TAF4B: variants seen among roughly 807,000 people sequenced by gnomAD.
The protein encoded by TAF4B is TATA-box binding protein associated factor 4b, also known as transcription initiation factor TFIID subunit 4B.
TAF4B carries 38 observed loss-of-function variants against 86.4 expected under a neutral mutation model. That is an observed-to-expected ratio of 0.44 (90% confidence interval 0.34 to 0.58). The LOEUF (loss-of-function observed/expected upper bound fraction) is 0.58. TAF4B is among the 20% of genes least tolerant of loss of function. The pLI, the probability that TAF4B is intolerant of heterozygous loss-of-function variation, is 0.02. For synonymous variants in TAF4B, 388 were observed against 391.2 expected (o/e 0.99, Z 0.10); for missense variants, 988 against 1,027.6 (o/e 0.96, Z 0.53).
At chr18:26,268,016 G>T (rs2056264090) in intron 3 of TAF4B, among the ~76,000 whole-genome samples, 1 of 152,170 alleles carries the variant, frequency 6.6e-6, no homozygotes, top group Non-Finnish European at 1.5e-5. Context: ...AACTTTGGAG[G>T]ATATATGGCC....
At chr18:26,254,421 T>G (rs562538509) in intron 1 of TAF4B, among the ~76,000 whole-genome samples, 1 of 152,280 alleles carries the variant, frequency 6.6e-6, no homozygotes, top group African/African-American at 2.4e-5. Context: ...CTAAAACAAG[T>G]CAGACACCCA....
At chr18:26,300,328 A>ATTC (rs1249085818) in intron 9 of TAF4B, among the ~76,000 whole-genome samples, 6 of 148,940 alleles carry the variant, frequency 4.0e-5, no homozygotes, top group Non-Finnish European at 8.9e-5. Context: ...TATTATTATT[A>ATTC]TTATTATTAA....
rs191080129 is a variant in TAF4B at position 26,321,259 on chromosome 18, G to A, written c.2133+59G>A. 2.2e-3 allele frequency: 3,433 copies of A among 1,574,726 alleles called. 7 individuals carry two copies. The highest frequency in any genetic ancestry group is 0.014 in the Middle Eastern group (82 of 5,936). On this transcript the variant is annotated intron_variant, in intron 11 of 14. Transcript: ENST00000269142. ...GAGTGTTATAGGTAGTCTTTTGGGC[G>A]TGGATTGATATTCTAAACACGTTTT... is the stretch of plus-strand genomic sequence containing the variant.
chr18:26,275,957 A>G (rs1345781355), intron 5 of TAF4B, among the ~76,000 whole-genome samples: 1 of 150,402 alleles, frequency 6.6e-6, no homozygotes, highest in Non-Finnish European at 1.5e-5. Context: ...CAGAGGTTAC[A>G]GTAAGCTGAG....
intron 6 of TAF4B, among the ~76,000 whole-genome samples, chr18:26,285,282 T>C (rs555177557): frequency 3.5e-5 from 5 of 141,156 alleles, no homozygotes; most frequent in African/African-American, 1.3e-4. Flanking sequence ...TGCAGTGGCA[T>C]GATCTCAGCT....
chr18:26,302,227 G>A (rs954929007), intron 9 of TAF4B, among the ~76,000 whole-genome samples: 1 of 151,872 alleles, frequency 6.6e-6, no homozygotes, highest in Admixed American at 6.6e-5. Flanking sequence ...ATATTTTGAT[G>A]AACAGAAATT....
intron 12 of TAF4B, among the ~76,000 whole-genome samples, chr18:26,331,521 T>C (rs1413498894): frequency 2.6e-5 from 4 of 152,210 alleles, no homozygotes; most frequent in South Asian, 4.1e-4. Flanking sequence ...AAAATCAATA[T>C]GTCCAAAACA....
At chr18:26,346,771 ATATGTGTGTG>A (rs1161902687) in intron 13 of TAF4B, among the ~76,000 whole-genome samples, 351 of 21,368 alleles carry the variant, frequency 0.016, 36 homozygotes, top group East Asian at 0.044. Flanking sequence ...ATATATATAT[ATATGTGTGTG>A]TATATATATA....
intron 13 of TAF4B, among the ~76,000 whole-genome samples, chr18:26,346,833 ATATG>A (rs1389427070): frequency 0.011 from 199 of 17,748 alleles, 19 homozygotes; most frequent in Non-Finnish European, 0.014. Context: ...GTATATATAT[ATATG>A]TGTGTGTGTA....
At chr18:26,354,576 G>A (rs563262463) in intron 13 of TAF4B, among the ~76,000 whole-genome samples, 25 of 152,316 alleles carry the variant, frequency 1.6e-4, no homozygotes, top group African/African-American at 4.8e-4. Context: ...TGAGCTGTTA[G>A]AAACTGTGTT....
At chr18:26,347,209 T>G (rs1598817345) in intron 13 of TAF4B, among the ~76,000 whole-genome samples, 1 of 151,730 alleles carries the variant, frequency 6.6e-6, no homozygotes, top group Admixed American at 6.6e-5. Flanking sequence ...CGTGAGCCAC[T>G]GCGCCCGGCC....
intron 14 of TAF4B, among the ~76,000 whole-genome samples, chr18:26,379,770 A>T (rs928997199): frequency 6.6e-6 from 1 of 152,094 alleles, no homozygotes; most frequent in African/African-American, 2.4e-5. Flanking sequence ...CTATAGATCA[A>T]TTTGCAGAGA....
At chr18:26,250,692 T>C (rs1005073292) in intron 1 of TAF4B, among the ~76,000 whole-genome samples, 1 of 152,188 alleles carries the variant, frequency 6.6e-6, no homozygotes, top group Admixed American at 6.5e-5. Flanking sequence ...ATAGGGTAGA[T>C]ATTCTGTGGG....
At chr18:26,370,084 A>T (rs1241322089) in intron 14 of TAF4B, among the ~76,000 whole-genome samples, 1 of 152,268 alleles carries the variant, frequency 6.6e-6, no homozygotes, top group African/African-American at 2.4e-5. Context: ...ACCACAGAAC[A>T]TTTTAGTGAC....
chr18:26,353,955 C>T lies in TAF4B; in HGVS notation c.2317-3735C>T, dbSNP rs549716046. 5.3e-5 allele frequency among the ~76,000 whole-genome samples: 8 copies of T among 152,202 alleles called. No individual in the cohort carries two copies. The South Asian group carries it at 1.7e-3, about 32-fold the overall frequency. On this transcript the variant is annotated intron_variant, in intron 13 of 14. Transcript: ENST00000269142. ...AGTCATGTTCTCCTATGGTTTTTTC[C>T]TATACATTTTTATAGTTTTACATTT... is the stretch of plus-strand genomic sequence containing the variant.
chr18:26,285,783 T>C, intron 6 of TAF4B, 99 bp from the exon 7 acceptor site: 2 of 1,387,556 alleles, frequency 1.4e-6, no homozygotes, highest in East Asian at 2.3e-5. Context: ...TGATACACTT[T>C]TGATTGGTTT....
chr18:26,286,841 G>A (rs971883968), intron 7 of TAF4B, among the ~76,000 whole-genome samples: 3 of 152,018 alleles, frequency 2.0e-5, no homozygotes, highest in African/African-American at 2.4e-5. Flanking sequence ...GCACCACCAC[G>A]CCTTTCTAAT....
chr18:26,366,085 C>T (rs562055046), intron 14 of TAF4B, among the ~76,000 whole-genome samples: 43 of 152,160 alleles, frequency 2.8e-4, no homozygotes, highest in African/African-American at 8.9e-4. Flanking sequence ...CCACTGCGCC[C>T]GGCCTATTAT....
chr18:26,265,208 T>C lies in TAF4B; in HGVS notation c.382T>C (p.Leu128=). 2 of 1,613,876 alleles carry C rather than the reference T, an allele frequency of 1.2e-6. No individual in the cohort carries two copies. The highest frequency in any genetic ancestry group is 2.7e-5 in the African/African-American group (2 of 75,020). Residue 128 remains leucine (L), a synonymous_variant, in exon 2 of 15, where the codon TTG becomes CTG. Transcript: ENST00000269142. ...LIKSNSGPLM[L]VSPQQTVTRA... ...TAAAAGTAACAGTGGTCCGTTGATG[T>C]TGGTATCTCCTCAGCAAACTGTAAC...
Sources: allele counts gnomAD v4.1 joint callset (sites outside exome capture counted in the v4.1 genomes callset), GRCh38; gene constraint gnomAD v4.1.1; transcripts MANE v1.5; gene names NCBI Gene and HGNC (gene_info 2026-07-23, HGNC 2026-07-21).